Variants in CPT1C observed in about 807,000 individuals in gnomAD.
The protein encoded by CPT1C is palmitoyl thioesterase CPT1C.
Under a neutral mutation model 97.3 loss-of-function variants are expected in CPT1C, and 61 were observed. The ratio of observed to expected loss-of-function variants is 0.63; its 90% CI spans 0.51 to 0.78. CPT1C has a LOEUF of 0.78. CPT1C is among the 30% of genes least tolerant of loss of function. The probability of loss-of-function intolerance (pLI) is 0.00; values close to 1 mark genes in which losing one functional copy is unlikely to be tolerated. For synonymous variants in CPT1C, 469 were observed against 447.2 expected (o/e 1.05, Z -0.61); for missense variants, 975 against 1,065.5 (o/e 0.92, Z 1.18).
chr19:49,697,371 C>T lies in CPT1C; in HGVS notation c.187C>T (p.Leu63Phe). 1 of 1,614,164 alleles carries T rather than the reference C, an allele frequency of 6.2e-7. No homozygotes were observed. Among genetic ancestry groups the T allele is most frequent in the Non-Finnish European group, 8.5e-7 (1 of 1,180,036 alleles). ...GTTTCCTGCCAGCCCCCTCAGTTGGCTTTTCCTCTTCAGTGCCATCCAGCT... is the reference window on the plus strand; with the variant it reads ...GTTTCCTGCCAGCCCCCTCAGTTGGTTTTTCCTCTTCAGTGCCATCCAGCT... Reference protein sequence around the residue: ...GVFPASPLSWLFLFSAIQLAW... With the variant: ...GVFPASPLSWFFLFSAIQLAW... The change falls in exon 4 of 20, where the codon CTT (leucine) becomes TTT (phenylalanine). Residue 63 changes from leucine (L) to phenylalanine (F), a missense_variant. By Grantham distance (22) the Leu-to-Phe change is conservative. Transcript: ENST00000598293.
chr19:49,693,348 A>G (rs1328940522), intron 3 of CPT1C, among the ~76,000 whole-genome samples: 3 of 152,048 alleles, frequency 2.0e-5, no homozygotes, highest in Non-Finnish European at 2.9e-5. Context: ...CTGTGGGGTC[A>G]TGATTGAGTT....
Position 49,710,792 on chromosome 19 carries a change from A to G in CPT1C, c.1801A>G (p.Thr601Ala), listed in dbSNP as rs774134053. 2.9e-5 allele frequency: 46 copies of G among 1,613,916 alleles called. No homozygotes were observed. Among genetic ancestry groups the G allele is most frequent in the Non-Finnish European group, 3.4e-6 (4 of 1,179,980 alleles). Residue 601 changes from threonine to alanine, a missense_variant, in exon 16 of 20, where the codon ACG becomes GCG. Thr to Ala is a moderately conservative substitution (Grantham distance 58, BLOSUM62 0). Transcript: ENST00000598293. ...TRLFLEGRTE[T>A]VRSCTREACN... ...CTTATTCCTGGAAGGCCGGACGGAG[A>G]CGGTGCGGTCTTGCACGAGGGAGGC...
Position 49,704,993 on chromosome 19 carries a change from C to T in CPT1C, c.772-14C>T, listed in dbSNP as rs1270786207. On this transcript the variant is annotated splice_polypyrimidine_tract_variant and intron_variant, in intron 8 of 19. Coordinates refer to ENST00000598293, the MANE Select transcript of CPT1C (RefSeq NM_001199753.2). ...GACCCTGGGTGTTTTGCCATCCCCT[C>T]TCCTGGTCCCCAGGACTTCCTGTAT... 1.3e-6 allele frequency: 2 copies of T among 1,577,082 alleles called. No individual in the cohort carries two copies. The highest frequency in any genetic ancestry group is 1.3e-5 in the African/African-American group (1 of 74,184).
chr19:49,700,840 C>G lies in CPT1C; in HGVS notation c.438C>G (p.Pro146=), dbSNP rs372366841. Residue 146 remains proline (P), a synonymous_variant, in exon 5 of 20, where the codon CCC becomes CCG. Transcript: ENST00000598293. ...AGCCCCACGGAGCCATGTCCTCCCC[C>G]ACCAAGACCTGGCTGGTATGGGAGG... ...LLEPHGAMSS[P]TKTWLALVRI... 20 of 1,612,682 alleles carry G rather than the reference C, an allele frequency of 1.2e-5. No homozygotes were observed. Among genetic ancestry groups the G allele is most frequent in the Non-Finnish European group, 1.4e-5 (17 of 1,180,020 alleles).
chr19:49,702,000 TA>T (rs2083133289), intron 7 of CPT1C, among the ~76,000 whole-genome samples: 4 of 24,374 alleles, frequency 1.6e-4, no homozygotes, highest in South Asian at 3.6e-3. Context: ...ATATTATAAA[TA>T]TATTAAATAT....
In CPT1C at chr19:49,710,790, A is replaced by AGACGGTGCGG; in HGVS notation, c.1800_1809dup (p.Ser604AspfsTer51). The AGACGGTGCGG allele has an allele frequency of 6.2e-7, 1 of 1,614,054 alleles. No homozygotes were observed. Among genetic ancestry groups the AGACGGTGCGG allele is most frequent in the South Asian group, 1.1e-5 (1 of 91,068 alleles). ...CGCTTATTCCTGGAAGGCCGGACGGAGACGGTGCGGTCTTGCACGAGGGAG... is the reference window on the plus strand; with the variant it reads ...CGCTTATTCCTGGAAGGCCGGACGGAGACGGTGCGGGACGGTGCGGTCTTGCACGAGGGAG... On this transcript the variant is annotated frameshift_variant, in exon 16 of 20. Transcript: ENST00000598293. LOFTEE classifies it high-confidence loss of function.
intron 3 of CPT1C, 109 bp from the exon 4 acceptor site, chr19:49,697,217 T>C: frequency 7.1e-7 from 1 of 1,405,494 alleles, no homozygotes; most frequent in Non-Finnish European, 1.0e-6. Context: ...ATCTTGAGCC[T>C]CCAGCTCAGG....
In CPT1C at chr19:49,712,215, C is replaced by A. The variant is rs1280436784; in HGVS notation, c.2019+254C>A. ...AAAATTAGCTGGGTATGGTGACAGG[C>A]ACCTGTAATCCCAGCTACTTGGGAG... On this transcript the variant is annotated intron_variant, in intron 17 of 19. Coordinates refer to ENST00000598293, the MANE Select transcript of CPT1C (RefSeq NM_001199753.2). 9 of 460,736 alleles carry A rather than the reference C, an allele frequency of 2.0e-5. No individual in the cohort carries two copies. The East Asian group carries it at 3.9e-4, about 20-fold the overall frequency. 28.5% of individuals were successfully genotyped at this position (460,736 alleles called of 1,614,324 possible).
At chr19:49,701,958 A>G (rs1202633434) in intron 7 of CPT1C, among the ~76,000 whole-genome samples, 1 of 100,654 alleles carries the variant, frequency 9.9e-6, no homozygotes, top group East Asian at 2.2e-4. Flanking sequence ...ATATAAATAT[A>G]TTTATATATA....
intron 16 of CPT1C, 178 bp downstream of exon 16, chr19:49,711,035 G>A: frequency 3.5e-6 from 2 of 574,496 alleles, no homozygotes; most frequent in South Asian, 2.7e-5. Flanking sequence ...GCCCAGCATA[G>A]TGTGATATCT....
In CPT1C at chr19:49,710,742, T is replaced by A. The variant is rs2083817173; in HGVS notation, c.1751T>A (p.Leu584Gln). ...CCCCAGGACAGGGGTCAATTCTGCC[T>A]GACTTATGAGTCGGCCATGACTCGC... ...AHFRDRGQFC[L>Q]TYESAMTRLF... The change falls in exon 16 of 20, where the codon CTG becomes CAG. Residue 584 changes from leucine (L) to glutamine (Q), a missense_variant. This residue lies in a region of CPT1C where 344 missense variants were observed against 395.7 expected (regional missense o/e 0.87). Coordinates refer to ENST00000598293, the MANE Select transcript of CPT1C (RefSeq NM_001199753.2). The A allele has an allele frequency of 6.2e-7, 1 of 1,613,484 alleles. No individual in the cohort carries two copies. The highest frequency in any genetic ancestry group is 8.5e-7 in the Non-Finnish European group (1 of 1,179,608).
chr19:49,713,002 A>G lies in CPT1C; in HGVS notation c.2164A>G (p.Ile722Val). The stretch of plus-strand genomic sequence containing the variant: ...TGACCATGGTTATGGTGTTTCTTAT[A>G]TCTTCATGGGGGATGGCATGATCAC... ...ADDHGYGVSYIFMGDGMITFH... is the reference protein window; with the variant it reads ...ADDHGYGVSYVFMGDGMITFH... The change falls in exon 19 of 20, where the codon ATC (isoleucine) becomes GTC (valine). Residue 722 changes from isoleucine to valine, a missense_variant. Physicochemically the swap from Ile to Val is conservative, Grantham distance 29 (BLOSUM62 3). Around this residue, in one of 3 missense-constraint regions of CPT1C, gnomAD observed 344 missense variants for 395.7 expected, o/e 0.87. Transcript: ENST00000598293. The G allele has an allele frequency of 1.2e-6, 2 of 1,614,070 alleles. No individual in the cohort carries two copies. The highest frequency in any genetic ancestry group is 1.7e-6 in the Non-Finnish European group (2 of 1,179,994).
intron 19 of CPT1C, 36 bp downstream of exon 19, chr19:49,713,100 T>C (rs1164308223): frequency 6.4e-7 from 1 of 1,558,518 alleles, no homozygotes; most frequent in Non-Finnish European, 8.9e-7. Context: ...ACTCCCTCTT[T>C]CCTCAGGAAC....
In CPT1C at chr19:49,692,304, G is replaced by T; in HGVS notation, c.52G>T (p.Gly18Trp). The T allele has an allele frequency of 6.2e-7, 1 of 1,614,114 alleles. No individual in the cohort carries two copies. Among genetic ancestry groups the T allele is most frequent in the Non-Finnish European group, 8.5e-7 (1 of 1,180,020 alleles). ...CTTCCGACCCTCGCTGACCTCGGAC[G>T]GGGCTGAAGTGGAACTCAGTGCCCC... is the stretch of plus-strand genomic sequence containing the variant. ...VGFRPSLTSD[G>W]AEVELSAPVL... Residue 18 changes from glycine to tryptophan, a missense_variant, in exon 3 of 20, where the codon GGG becomes TGG. Coordinates refer to ENST00000598293, the MANE Select transcript of CPT1C (RefSeq NM_001199753.2).
In CPT1C at chr19:49,707,487, C is replaced by T. The variant is rs773459291; in HGVS notation, c.1344-31C>T. The stretch of plus-strand genomic sequence containing the variant: ...CTCTGAGGTCCCCGTGCCCCTCGCT[C>T]TTGGTGACCCATCTGAACTCTCCCT... On this transcript the variant is annotated intron_variant, in intron 12 of 19. Coordinates refer to ENST00000598293, the MANE Select transcript of CPT1C (RefSeq NM_001199753.2). The T allele has an allele frequency of 1.9e-6, 3 of 1,551,390 alleles. No homozygotes were observed. The South Asian group carries it at 3.3e-5, about 17-fold the overall frequency.
At chr19:49,702,590 G>C (rs553626233) in intron 7 of CPT1C, among the ~76,000 whole-genome samples, 44 of 150,766 alleles carry the variant, frequency 2.9e-4, no homozygotes, top group African/African-American at 1.0e-3. Context: ...ACTGCACTTC[G>C]GCCTGGGCCA....
At chr19:49,713,310 C>T (rs1395131443) in intron 19 of CPT1C, 110 bp from the exon 20 acceptor site, 1 of 1,073,866 alleles carries the variant, frequency 9.3e-7, no homozygotes, top group Non-Finnish European at 1.4e-6. Context: ...GTCCAGGCCC[C>T]AGCTCCTCCT....
intron 19 of CPT1C, 30 bp downstream of exon 19, chr19:49,713,094 C>T (rs2084017277): frequency 6.4e-7 from 1 of 1,571,990 alleles, no homozygotes; most frequent in Non-Finnish European, 8.8e-7. Flanking sequence ...CCACCAACTC[C>T]CTCTTTCCTC....
At position 49,700,791 on chromosome 19, in the gene CPT1C, T is replaced by C. The variant is rs373856452; in HGVS notation, c.389T>C (p.Leu130Pro). 1 of 1,613,536 alleles carries C rather than the reference T, an allele frequency of 6.2e-7. No individual in the cohort carries two copies. Among genetic ancestry groups the C allele is most frequent in the South Asian group, 1.1e-5 (1 of 91,086 alleles). Residue 130 changes from leucine to proline, a missense_variant, in exon 5 of 20, where the codon CTG (leucine) becomes CCG (proline). Coordinates refer to ENST00000598293, the MANE Select transcript of CPT1C (RefSeq NM_001199753.2). ...FTLHVALRLL[L>P]SYHGWLLEPH... ...CTGCACGTGGCCCTGAGGCTGCTTCTGTCCTACCACGGCTGGCTTCTTGAG... is the reference window on the plus strand; with the variant it reads ...CTGCACGTGGCCCTGAGGCTGCTTCCGTCCTACCACGGCTGGCTTCTTGAG...
Sources: allele counts gnomAD v4.1 joint callset (sites outside exome capture counted in the v4.1 genomes callset), GRCh38; gene constraint gnomAD v4.1.1; regional missense constraint gnomAD v4.1.1; transcripts MANE v1.5; gene names NCBI Gene and HGNC (gene_info 2026-07-23, HGNC 2026-07-21).